Variants in HMGXB4 observed in about 807,000 individuals in gnomAD.
HMGXB4 encodes the protein HMG-box containing 4.
In HMGXB4, 27 loss-of-function variants were observed where a neutral mutation model predicts 63.9. The observed-to-expected ratio is 0.42, with a 90% confidence interval of 0.31 to 0.58. HMGXB4 has a LOEUF of 0.58. Ranked by LOEUF, HMGXB4 falls within the 20% of genes least tolerant of loss-of-function variation. The pLI, the probability that HMGXB4 is intolerant of heterozygous loss-of-function variation, is 0.13. For synonymous variants in HMGXB4, 264 were observed against 265.3 expected (o/e 0.99, Z 0.05); for missense variants, 624 against 700.7 (o/e 0.89, Z 1.24).
Position 35,293,718 on chromosome 22 carries a change from G to C in HMGXB4, c.*67G>C, listed in dbSNP as rs1044561610. 8.5e-5 allele frequency: 103 copies of C among 1,218,856 alleles called. 1 individual carries two copies. In the Middle Eastern group the frequency reaches 2.3e-3, roughly 27 times the overall value. The allele number at this position is 1,218,856 out of a possible 1,614,324, so 75.5% of individuals were successfully genotyped here. ...GCTGGTTTGTGTATATATGACTGTTGCAGATTCCTTCAGTGGCCTCTGGCT... is the reference window on the plus strand; with the variant it reads ...GCTGGTTTGTGTATATATGACTGTTCCAGATTCCTTCAGTGGCCTCTGGCT... On this transcript the variant is annotated 3_prime_UTR_variant, in exon 11 of 11. Coordinates refer to ENST00000216106, the MANE Select transcript of HMGXB4 (RefSeq NM_001003681.3).
chr22:35,292,457 T>C (rs1274326598), intron 9 of HMGXB4, among the ~76,000 whole-genome samples: 1 of 152,186 alleles, frequency 6.6e-6, no homozygotes, highest in Non-Finnish European at 1.5e-5. Flanking sequence ...GTCTTTCTTA[T>C]CTCTTTGAAT....
intron 2 of HMGXB4, 99 bp from the exon 3 acceptor site, chr22:35,262,979 T>A: frequency 1.8e-6 from 2 of 1,137,614 alleles, no homozygotes; most frequent in South Asian, 2.6e-5. Flanking sequence ...ATTGTTTTAA[T>A]TTGGAAATAG....
intron 5 of HMGXB4, among the ~76,000 whole-genome samples, chr22:35,280,364 T>C (rs1924172473): frequency 6.6e-6 from 1 of 152,206 alleles, no homozygotes; most frequent in African/African-American, 2.4e-5. Flanking sequence ...AATGAAGCAA[T>C]TCACGTAACG....
At chr22:35,263,321 T>C (rs936113742) in intron 3 of HMGXB4, 95 bp downstream of exon 3, 9 of 971,508 alleles carry the variant, frequency 9.3e-6, no homozygotes, top group Non-Finnish European at 1.3e-5. Context: ...TTTTCTCTCA[T>C]GGCCCAGGCT....
chr22:35,247,116 A>T, the HMGXB4 span, among the ~76,000 whole-genome samples: 1 of 152,060 alleles, frequency 6.6e-6, no homozygotes. Context: ...ATTGAATGCC[A>T]GGTATTGTGA....
At chr22:35,281,157 A>G (rs1202715015) in intron 5 of HMGXB4, among the ~76,000 whole-genome samples, 1 of 152,196 alleles carries the variant, frequency 6.6e-6, no homozygotes, top group African/African-American at 2.4e-5. Flanking sequence ...TTGCCATTGA[A>G]ATACTTTTAC....
chr22:35,265,545 A>G lies in HMGXB4; in HGVS notation c.1157A>G (p.His386Arg), dbSNP rs1407721615. ...CTTCCTGGCCTCCACACAGATGGGC[A>G]TAGTGAAAAAAAAAAGAAAAAAGAA... The part of the protein sequence containing the change: ...LPLPGLHTDG[H>R]SEKKKKKEEK... Residue 386 changes from histidine to arginine, a missense_variant, in exon 5 of 11, where the codon CAT becomes CGT. Around this residue, in one of 2 missense-constraint regions of HMGXB4, gnomAD observed 472 missense variants for 470.6 expected, o/e 1.00. Coordinates refer to ENST00000216106, the MANE Select transcript of HMGXB4 (RefSeq NM_001003681.3). 1.3e-6 allele frequency: 2 copies of G among 1,595,094 alleles called. No homozygotes were observed. The highest frequency in any genetic ancestry group is 1.7e-6 in the Non-Finnish European group (2 of 1,174,344).
chr22:35,269,129 C>A (rs1923443900), intron 5 of HMGXB4, among the ~76,000 whole-genome samples: 1 of 152,194 alleles, frequency 6.6e-6, no homozygotes. Context: ...GTAATCCCAG[C>A]AGTTTGGGAA....
chr22:35,271,495 G>A (rs934449230), intron 5 of HMGXB4, among the ~76,000 whole-genome samples: 1 of 152,328 alleles, frequency 6.6e-6, no homozygotes, highest in East Asian at 1.9e-4. Flanking sequence ...CGTTGAGAGC[G>A]TGGGCTGTGG....
At chr22:35,246,019 G>A in the HMGXB4 span, among the ~76,000 whole-genome samples, 11 of 152,276 alleles carry the variant, frequency 7.2e-5, no homozygotes, top group African/African-American at 1.9e-4. Context: ...TTACTGCTGG[G>A]TGCAGCTCCC....
chr22:35,253,144 A>AAAAAAAAAAAAAAAG (rs11282400), upstream of HMGXB4, among the ~76,000 whole-genome samples: 167 of 125,016 alleles, frequency 1.3e-3, no homozygotes, highest in Non-Finnish European at 2.0e-3. Context: ...AAAAAAAAAA[A>AAAAAAAAAAAAAAAG]AAAAAAGAAA....
At position 35,265,626 on chromosome 22, in the gene HMGXB4, TG is replaced by T. The variant is rs753805876; in HGVS notation, c.1215+28del. 19 of 1,520,958 alleles carry T rather than the reference TG, an allele frequency of 1.2e-5. No individual in the cohort carries two copies. The Admixed American group carries it at 2.2e-4, about 18-fold the overall frequency. 94.2% of individuals were successfully genotyped at this position (1,520,958 alleles called of 1,614,324 possible). A position where few individuals can be genotyped will look rare whatever the true frequency, so the allele number is the denominator to read the frequency against. ...AAGGTAAAGCATCTTTTAAGTGTGG[TG>T]GGGGTAAGAGATTAAGCAGGTTCTT... On this transcript the variant is annotated intron_variant, in intron 5 of 10. Transcript: ENST00000216106.
At chr22:35,277,150 C>T (rs1923959025) in intron 5 of HMGXB4, among the ~76,000 whole-genome samples, 1 of 152,144 alleles carries the variant, frequency 6.6e-6, no homozygotes, top group Non-Finnish European at 1.5e-5. Context: ...ATCAAGGCGT[C>T]CAGTAGAGCC....
At chr22:35,289,864 C>A (rs1388918341) in intron 9 of HMGXB4, among the ~76,000 whole-genome samples, 2 of 152,216 alleles carry the variant, frequency 1.3e-5, no homozygotes, top group Non-Finnish European at 2.9e-5. Flanking sequence ...TCTAGTAAGA[C>A]ATTTCAGCAA....
intron 5 of HMGXB4, among the ~76,000 whole-genome samples, chr22:35,266,755 G>T (rs189201149): frequency 9.8e-5 from 15 of 152,316 alleles, no homozygotes; most frequent in Non-Finnish European, 1.8e-4. Flanking sequence ...GGCTGAGGCA[G>T]GTGGATCCCT....
At chr22:35,269,534 A>T (rs1923472784) in intron 5 of HMGXB4, among the ~76,000 whole-genome samples, 1 of 152,216 alleles carries the variant, frequency 6.6e-6, no homozygotes, top group South Asian at 2.1e-4. Flanking sequence ...GTATATGTCG[A>T]ATGAATATGT....
chr22:35,291,014 A>G (rs1281684475), intron 9 of HMGXB4, among the ~76,000 whole-genome samples: 1 of 152,210 alleles, frequency 6.6e-6, no homozygotes, highest in Non-Finnish European at 1.5e-5. Flanking sequence ...CTGTAATCCC[A>G]GGACTCTGGG....
At chr22:35,245,855 G>A in the HMGXB4 span, among the ~76,000 whole-genome samples, 1 of 152,096 alleles carries the variant, frequency 6.6e-6, no homozygotes, top group African/African-American at 2.4e-5. Flanking sequence ...CTCCTGGGTG[G>A]GAGAGGCAGG....
intron 9 of HMGXB4, among the ~76,000 whole-genome samples, chr22:35,290,504 G>T (rs558183876): frequency 6.6e-6 from 1 of 152,024 alleles, no homozygotes; most frequent in East Asian, 1.9e-4. Flanking sequence ...AATTAGCTGG[G>T]CGTGGTGGCG....
Sources: gnomAD v4.1 joint callset for allele counts (sites outside exome capture counted in the v4.1 genomes callset) on GRCh38, gnomAD v4.1.1 for gene constraint, gnomAD v4.1.1 regional missense constraint, MANE v1.5 for transcripts, NCBI Gene and HGNC (gene_info 2026-07-23, HGNC 2026-07-21) for gene names.